ELF1: variants seen among roughly 807,000 people sequenced by gnomAD.
The protein encoded by ELF1 is ETS-related transcription factor Elf-1.
A neutral mutation model predicts 59.9 loss-of-function variants in ELF1; 24 were observed. That is an observed-to-expected ratio of 0.40 (90% CI 0.29 to 0.56). ELF1 has a LOEUF of 0.56. Among genes scored for constraint, ELF1 ranks in the 20% least tolerant of loss-of-function variants. The probability of loss-of-function intolerance (pLI) is 0.44; values close to 1 mark genes in which losing one functional copy is unlikely to be tolerated. For missense variants in ELF1, 627 were observed against 742.2 expected (o/e 0.84, Z 1.80); for synonymous variants, 248 against 266.2 (o/e 0.93, Z 0.67).
intron 1 of ELF1, among the ~76,000 whole-genome samples, chr13:41,013,571 T>C (rs1158829892): frequency 6.6e-6 from 1 of 152,108 alleles, no homozygotes; most frequent in Admixed American, 6.5e-5. Flanking sequence ...GAAACAAACA[T>C]GAATAGGAGT....
intron 1 of ELF1, chr13:40,992,916 C>G: frequency 1.5e-6 from 1 of 681,122 alleles, no homozygotes; most frequent in Non-Finnish European, 2.6e-6. Flanking sequence ...ATGTAATCTT[C>G]ATATATCATT....
In ELF1 at chr13:40,933,997, C is replaced by T; in HGVS notation, c.1288G>A (p.Val430Ile). Reference protein sequence around the residue: ...TIQAPTQVPVVVSPRNQQLHT... With the variant: ...TIQAPTQVPVIVSPRNQQLHT... ...AACTGCTGATTCCTAGGAGACACAA[C>T]CACTGGAACTTGGGTTGGAGCCTGT... Residue 430 changes from valine (V) to isoleucine (I), a missense_variant, in exon 9 of 9, where the codon GTT becomes ATT. Val to Ile is a conservative substitution (Grantham distance 29). This residue lies in a region of ELF1 where 361 missense variants were observed against 396.1 expected (regional missense o/e 0.91). Coordinates refer to ENST00000239882, the MANE Select transcript of ELF1 (RefSeq NM_172373.4). 1 of 1,614,088 alleles carries T rather than the reference C, an allele frequency of 6.2e-7. No individual in the cohort carries two copies.
Position 40,957,516 on chromosome 13 carries a change from A to G in ELF1, c.253+1320T>C, listed in dbSNP as rs189285373. ...AAATAAATTTGTGCATTTAAAAAAA[A>G]AAAAAAGAAAAAAAAGAAAGTGTGT... is the stretch of plus-strand genomic sequence containing the variant. On this transcript the variant is annotated intron_variant, in intron 3 of 8. Transcript: ENST00000239882. Among the ~76,000 whole-genome samples the G allele has an allele frequency of 1.9e-3, 292 of 151,722 alleles. 2 individuals are homozygous for G. The highest frequency in any genetic ancestry group is 6.7e-3 in the African/African-American group (279 of 41,456).
At chr13:40,977,326 A>T (rs968710412) in intron 2 of ELF1, among the ~76,000 whole-genome samples, 1 of 152,148 alleles carries the variant, frequency 6.6e-6, no homozygotes, top group East Asian at 1.9e-4. Flanking sequence ...TTGCTCTCCC[A>T]TAGAAGTGCT....
chr13:40,933,797 T>G lies in ELF1; in HGVS notation c.1488A>C (p.Ser496=). 6.2e-7 allele frequency: 1 copy of G among 1,614,260 alleles called. No homozygotes were observed. Among genetic ancestry groups the G allele is most frequent in the East Asian group, 2.2e-5 (1 of 44,890 alleles). Reference sequence around the variant, plus strand: ...GAACCTGGGCAGGGCCCAAGACAATTGAAGGAGGAGAGCCCGCCTTTTGTG... The same window carrying G: ...GAACCTGGGCAGGGCCCAAGACAATGGAAGGAGGAGAGCCCGCCTTTTGTG... The part of the protein sequence containing the change: ...LQSQKAGSPP[S]IVLGPAQVQQ... The change falls in exon 9 of 9, where the codon TCA becomes TCC. Residue 496 remains serine (S), a synonymous_variant. Coordinates refer to ENST00000239882, the MANE Select transcript of ELF1 (RefSeq NM_172373.4).
At chr13:40,960,629 G>T (rs536280416) in intron 2 of ELF1, among the ~76,000 whole-genome samples, 1 of 152,164 alleles carries the variant, frequency 6.6e-6, no homozygotes, top group Admixed American at 6.5e-5. Context: ...ATTGAGACAG[G>T]GTCTTGCTCT....
chr13:40,993,254 T>G, intron 1 of ELF1: 1 of 1,580,070 alleles, frequency 6.3e-7, no homozygotes, highest in Middle Eastern at 2.3e-4. Flanking sequence ...AAGCAACAGA[T>G]GTTGTTGGGC....
At chr13:41,031,070 G>T (rs1010626810) in intron 1 of ELF1, among the ~76,000 whole-genome samples, 2 of 151,776 alleles carry the variant, frequency 1.3e-5, no homozygotes, top group Non-Finnish European at 2.9e-5. Context: ...GGCTAAGGTG[G>T]GAGGATTGAA....
chr13:40,957,522 AG>A (rs1871525724), intron 3 of ELF1, among the ~76,000 whole-genome samples: 1 of 150,872 alleles, frequency 6.6e-6, no homozygotes, highest in African/African-American at 2.4e-5. Flanking sequence ...AAAAAAAAAA[AG>A]AAAAAAAAGA....
At chr13:41,013,669 TAAATA>T (rs1183914875) in intron 1 of ELF1, among the ~76,000 whole-genome samples, 5 of 152,116 alleles carry the variant, frequency 3.3e-5, no homozygotes, top group African/African-American at 1.2e-4. Context: ...CAAAACTGTT[TAAATA>T]AAATACAAAA....
At chr13:41,031,661 T>C (rs955550519) in intron 1 of ELF1, among the ~76,000 whole-genome samples, 18 of 150,976 alleles carry the variant, frequency 1.2e-4, no homozygotes, top group Non-Finnish European at 1.5e-4. Flanking sequence ...TTACTAAAAA[T>C]ACAAAAAAAT....
chr13:41,036,978 T>C (rs1876407645), intron 1 of ELF1, among the ~76,000 whole-genome samples: 1 of 151,786 alleles, frequency 6.6e-6, no homozygotes. Flanking sequence ...TGGGGAGGGA[T>C]AGCATTAGGA....
At chr13:41,059,468 T>C (rs963010016) in intron 1 of ELF1, among the ~76,000 whole-genome samples, 2 of 152,254 alleles carry the variant, frequency 1.3e-5, no homozygotes, top group African/African-American at 4.8e-5. Flanking sequence ...TAATTAATCC[T>C]TAATCACGCA....
chr13:40,956,571 CA>C (rs34245662), intron 3 of ELF1, among the ~76,000 whole-genome samples: 6,990 of 76,228 alleles, frequency 0.092, 215 homozygotes, highest in East Asian at 0.21. Flanking sequence ...CAAGAATGAT[CA>C]AAAAAAAAAA....
chr13:41,057,075 G>C (rs1266805517), intron 1 of ELF1, among the ~76,000 whole-genome samples: 1 of 151,786 alleles, frequency 6.6e-6, no homozygotes, highest in East Asian at 1.9e-4. Flanking sequence ...CTGAAATGCA[G>C]TAATTGCTTT....
At chr13:40,998,624 C>G (rs369009865) in intron 1 of ELF1, among the ~76,000 whole-genome samples, 1 of 152,088 alleles carries the variant, frequency 6.6e-6, no homozygotes, top group East Asian at 1.9e-4. Context: ...TAGATAGAAG[C>G]AAACTTTAAA....
At chr13:40,955,772 CGG>C (rs1387688313) in intron 3 of ELF1, among the ~76,000 whole-genome samples, 4 of 34,100 alleles carry the variant, frequency 1.2e-4, no homozygotes, top group African/African-American at 8.1e-4. Context: ...GGGAGGGAGG[CGG>C]GGGGGTCAGC....
At chr13:40,967,753 G>A (rs1872271617) in intron 2 of ELF1, among the ~76,000 whole-genome samples, 2 of 151,490 alleles carry the variant, frequency 1.3e-5, no homozygotes, top group African/African-American at 2.4e-5. Context: ...CACCATGTCT[G>A]GCTAATTTTT....
chr13:40,951,528 T>A, intron 3 of ELF1, 92 bp from the exon 4 acceptor site: 1 of 829,618 alleles, frequency 1.2e-6, no homozygotes, highest in Non-Finnish European at 1.9e-6. Context: ...CCAGAATACA[T>A]CATTTAATAT....
Sources: allele counts gnomAD v4.1 joint callset (sites outside exome capture counted in the v4.1 genomes callset), GRCh38; gene constraint gnomAD v4.1.1; regional missense constraint gnomAD v4.1.1; transcripts MANE v1.5; gene names NCBI Gene and HGNC (gene_info 2026-07-23, HGNC 2026-07-21).